Variants in ANK2 observed in about 807,000 individuals in gnomAD.
ANK2 encodes the protein ankyrin-2.
In ANK2, 83 loss-of-function variants were observed where a neutral mutation model predicts 360.5. That is an observed-to-expected ratio of 0.23 (90% CI 0.19 to 0.28). ANK2 has a LOEUF of 0.28. ANK2 is among the 10% of genes least tolerant of loss of function. The pLI is 1.00. For synonymous variants in ANK2, 1,740 were observed against 1,759.5 expected, an observed-to-expected ratio of 0.99 and a Z score of 0.28; for missense variants, 4,201 against 4,795.7, an observed-to-expected ratio of 0.88 and a Z score of 3.66.
At chr4:113,008,436 C>G (rs1413388535) in intron 2 of ANK2, among the ~76,000 whole-genome samples, 2 of 152,136 alleles carry the variant, frequency 1.3e-5, no homozygotes, top group African/African-American at 4.8e-5. Context: ...TTTAATTCTC[C>G]TATTTGGAAG....
chr4:112,852,406 A>G (rs191213609), intron 1 of ANK2, among the ~76,000 whole-genome samples: 22 of 152,332 alleles, frequency 1.4e-4, no homozygotes, highest in Non-Finnish European at 2.5e-4. Flanking sequence ...CAAATTGCTT[A>G]TGTTTCTTTT....
At chr4:112,886,868 G>A (rs2078562242) in intron 1 of ANK2, among the ~76,000 whole-genome samples, 1 of 152,150 alleles carries the variant, frequency 6.6e-6, no homozygotes, top group South Asian at 2.1e-4. Flanking sequence ...ATGTGAAGAA[G>A]TGGAATGAGA....
intron 2 of ANK2, among the ~76,000 whole-genome samples, chr4:112,994,077 G>C (rs994042317): frequency 6.6e-5 from 10 of 152,174 alleles, no homozygotes; most frequent in South Asian, 2.1e-4. Flanking sequence ...AACATCTCAC[G>C]TATTGCTAGC....
the ANK2 span, among the ~76,000 whole-genome samples, chr4:112,729,561 A>G: frequency 6.6e-6 from 1 of 152,112 alleles, no homozygotes; most frequent in African/African-American, 2.4e-5. Flanking sequence ...TTCGAGACCA[A>G]CATGGCAAAA....
At chr4:112,766,063 A>G in the ANK2 span, among the ~76,000 whole-genome samples, 4 of 152,316 alleles carry the variant, frequency 2.6e-5, no homozygotes, top group Non-Finnish European at 4.4e-5. Context: ...AGCTGGGCAC[A>G]GTGGTTCATG....
rs768427721 is a variant in ANK2 at position 113,332,001 on chromosome 4, C to A, written c.3155C>A (p.Pro1052Gln). The part of the protein sequence containing the change: ...GKLHLPTAPP[P>Q]LNEGESLVSR... ...CTTCACCTGCCAACGGCTCCTCCCC[C>A]ACTTAATGAGGGAGAAAGTTTGGTC... The change falls in exon 28 of 46, where the codon CCA becomes CAA. Residue 1052 changes from proline (P) to glutamine (Q), a missense_variant. Around this residue, in one of 4 missense-constraint regions of ANK2, gnomAD observed 1,268 missense variants for 1,650.8 expected, o/e 0.77. Transcript: ENST00000357077. 6.2e-7 allele frequency: 1 copy of A among 1,614,178 alleles called. No individual in the cohort carries two copies. Among genetic ancestry groups the A allele is most frequent in the Non-Finnish European group, 8.5e-7 (1 of 1,180,034 alleles).
chr4:113,378,748 G>T (rs1456222940), intron 45 of ANK2, among the ~76,000 whole-genome samples: 2 of 152,160 alleles, frequency 1.3e-5, no homozygotes, highest in South Asian at 2.1e-4. Context: ...GCAGTAAGCA[G>T]CACATTTTTA....
chr4:113,025,296 C>T (rs1414884356), intron 2 of ANK2, among the ~76,000 whole-genome samples: 1 of 152,164 alleles, frequency 6.6e-6, no homozygotes, highest in African/African-American at 2.4e-5. Context: ...TCACCCCACA[C>T]AATGCACATA....
intron 22 of ANK2, among the ~76,000 whole-genome samples, chr4:113,300,577 T>G (rs1458967355): frequency 1.3e-5 from 2 of 151,886 alleles, no homozygotes; most frequent in African/African-American, 4.8e-5. Context: ...GCTCTAGGAG[T>G]ACATAGCAGC....
intron 1 of ANK2, among the ~76,000 whole-genome samples, chr4:112,881,412 G>C (rs2076662371): frequency 6.6e-6 from 1 of 152,182 alleles, no homozygotes; most frequent in East Asian, 1.9e-4. Context: ...CTCCTGCCTG[G>C]GCAACAGAGA....
At chr4:113,254,934 T>C (rs2048488489) in intron 10 of ANK2, among the ~76,000 whole-genome samples, 1 of 152,022 alleles carries the variant, frequency 6.6e-6, no homozygotes, top group South Asian at 2.1e-4. Flanking sequence ...TTTAGTTTTT[T>C]CCTAAGTTTA....
intron 31 of ANK2, among the ~76,000 whole-genome samples, chr4:113,338,234 T>C (rs1174781894): frequency 6.6e-6 from 1 of 152,172 alleles, no homozygotes; most frequent in East Asian, 1.9e-4. Context: ...AAGACTTTTC[T>C]TCATTTCAAA....
intron 1 of ANK2, chr4:112,880,932 A>G (rs973318878): frequency 3.3e-5 from 5 of 152,204 alleles, no homozygotes; most frequent in African/African-American, 1.2e-4. Flanking sequence ...CTTGTTACAG[A>G]AGTTTATTGT....
At chr4:113,025,351 G>C (rs1203370381) in intron 2 of ANK2, among the ~76,000 whole-genome samples, 1 of 152,114 alleles carries the variant, frequency 6.6e-6, no homozygotes, top group African/African-American at 2.4e-5. Flanking sequence ...TTGTATATGT[G>C]GATTTGGGGA....
intron 2 of ANK2, among the ~76,000 whole-genome samples, chr4:113,188,885 A>T (rs2153345058): frequency 6.6e-6 from 1 of 152,292 alleles, no homozygotes; most frequent in Non-Finnish European, 1.5e-5. Flanking sequence ...GCATTTGCTG[A>T]CAAAATGTAG....
chr4:113,155,432 C>T (rs2097251145), intron 1 of ANK2, among the ~76,000 whole-genome samples: 1 of 151,872 alleles, frequency 6.6e-6, no homozygotes, highest in Non-Finnish European at 1.5e-5. Flanking sequence ...AAAGAGATAC[C>T]TAAAAAAGGA....
At chr4:112,997,265 C>G (rs2048888557) in intron 2 of ANK2, among the ~76,000 whole-genome samples, 1 of 152,100 alleles carries the variant, frequency 6.6e-6, no homozygotes, top group Non-Finnish European at 1.5e-5. Context: ...GGTGACAACA[C>G]TTAAAACCTA....
chr4:112,782,402 A>G, the ANK2 span, among the ~76,000 whole-genome samples: 47,581 of 152,054 alleles, frequency 0.31, 7,590 homozygotes, highest in East Asian at 0.35. Flanking sequence ...ATATTTTCAT[A>G]AAATATTTTC....
chr4:112,755,436 G>A, the ANK2 span, among the ~76,000 whole-genome samples: 7 of 152,178 alleles, frequency 4.6e-5, no homozygotes, highest in Non-Finnish European at 1.0e-4. Flanking sequence ...GGCTGAGTCC[G>A]AAAAAGGAGT....
Sources: allele counts gnomAD v4.1 joint callset (sites outside exome capture counted in the v4.1 genomes callset), GRCh38; gene constraint gnomAD v4.1.1; regional missense constraint gnomAD v4.1.1; transcripts MANE v1.5; gene names NCBI Gene and HGNC (gene_info 2026-07-23, HGNC 2026-07-21).